Variants in SLC4A4 observed in about 807,000 individuals in gnomAD.
SLC4A4 encodes solute carrier family 4 member 4, also known as electrogenic sodium bicarbonate cotransporter 1.
SLC4A4 carries 27 observed loss-of-function variants against 111.5 expected under a neutral mutation model. The observed-to-expected ratio is 0.24, with a 90% confidence interval of 0.18 to 0.33. SLC4A4 has a LOEUF of 0.33. Among genes scored for constraint, SLC4A4 ranks in the 10% least tolerant of loss-of-function variants. The probability of loss-of-function intolerance (pLI) is 1.00; values close to 1 mark genes in which losing one functional copy is unlikely to be tolerated. For missense variants in SLC4A4, 909 were observed against 1,315.5 expected (o/e 0.69, Z 4.78); for synonymous variants, 443 against 463.4 (o/e 0.96, Z 0.57).
At chr4:71,263,416 G>C (rs1340088269) in intron 3 of SLC4A4, among the ~76,000 whole-genome samples, 1 of 152,098 alleles carries the variant, frequency 6.6e-6, no homozygotes, top group Non-Finnish European at 1.5e-5. Flanking sequence ...ATTATCATTA[G>C]AGACTCAAAG....
intron 1 of SLC4A4, among the ~76,000 whole-genome samples, chr4:71,089,890 G>C (rs141036568): frequency 0.55 from 69,215 of 125,716 alleles, 21,486 homozygotes; most frequent in East Asian, 0.73. Context: ...ATCTCCAGCT[G>C]TGTGCTGGGA....
chr4:71,486,613 C>G (rs1729426159), intron 14 of SLC4A4, among the ~76,000 whole-genome samples: 1 of 151,258 alleles, frequency 6.6e-6, no homozygotes, highest in Admixed American at 6.6e-5. Context: ...TATGAACAGC[C>G]CTTGTTCCAC....
chr4:71,318,928 A>G (rs1726910681), intron 3 of SLC4A4, among the ~76,000 whole-genome samples: 1 of 151,586 alleles, frequency 6.6e-6, no homozygotes, highest in Non-Finnish European at 1.5e-5. Flanking sequence ...TAACATCTCC[A>G]CTATGCAAGA....
At chr4:71,144,759 G>C (rs565112316) in intron 2 of SLC4A4, among the ~76,000 whole-genome samples, 1 of 152,022 alleles carries the variant, frequency 6.6e-6, no homozygotes, top group Non-Finnish European at 1.5e-5. Context: ...GTCTGTTGTC[G>C]GTGTATAAGA....
At chr4:71,130,230 AATT>A (rs941770203) in intron 2 of SLC4A4, among the ~76,000 whole-genome samples, 2 of 151,802 alleles carry the variant, frequency 1.3e-5, no homozygotes, top group Non-Finnish European at 2.9e-5. Flanking sequence ...TTGTAATGTT[AATT>A]ATTTTTTTTT....
In SLC4A4 at chr4:71,236,624, T is replaced by C. The variant is rs1327577131; in HGVS notation, c.48T>C (p.His16=). Residue 16 remains histidine, a synonymous_variant, in exon 2 of 26, where the codon CAT becomes CAC. Coordinates refer to ENST00000264485, the MANE Select transcript of SLC4A4 (RefSeq NM_001098484.3). ...ACAGAGGGGCTTCCTTCCTCAAGCA[T>C]GTGTGTGATGAAGAAGAAGTAGAAG... is the stretch of plus-strand genomic sequence containing the variant. ...VLDRGASFLK[H]VCDEEEVEGH... 1 of 1,613,726 alleles carries C rather than the reference T, an allele frequency of 6.2e-7. No individual in the cohort carries two copies. Among genetic ancestry groups the C allele is most frequent in the Non-Finnish European group, 8.5e-7 (1 of 1,179,788 alleles).
intron 24 of SLC4A4, among the ~76,000 whole-genome samples, chr4:71,565,769 C>T (rs928558844): frequency 1.3e-5 from 2 of 151,814 alleles, no homozygotes; most frequent in Middle Eastern, 6.8e-3. Context: ...TATCCACCCC[C>T]TGAGGTTCCC....
At chr4:71,319,087 T>G (rs1231513103) in intron 3 of SLC4A4, among the ~76,000 whole-genome samples, 1 of 152,014 alleles carries the variant, frequency 6.6e-6, no homozygotes, top group Non-Finnish European at 1.5e-5. Flanking sequence ...GATTACTACT[T>G]AAAGAGGAAA....
chr4:71,516,168 TCA>T (rs1732376944), intron 16 of SLC4A4, among the ~76,000 whole-genome samples: 2 of 128,106 alleles, frequency 1.6e-5, no homozygotes, highest in African/African-American at 5.7e-5. Flanking sequence ...TGATCTTGGC[TCA>T]CTGCAAGCTC....
chr4:71,102,422 G>A (rs904397322), intron 2 of SLC4A4, among the ~76,000 whole-genome samples: 111 of 151,192 alleles, frequency 7.3e-4, no homozygotes, highest in Admixed American at 1.5e-3. Flanking sequence ...TACAGAGAAC[G>A]CCACAAACAT....
At chr4:71,258,982 G>A (rs1721653729) in intron 3 of SLC4A4, among the ~76,000 whole-genome samples, 1 of 152,178 alleles carries the variant, frequency 6.6e-6, no homozygotes, top group Admixed American at 6.5e-5. Context: ...AAGGTGACAT[G>A]AGCTGGCACC....
intron 23 of SLC4A4, 47 bp from the exon 24 acceptor site, chr4:71,563,746 C>A: frequency 1.8e-6 from 2 of 1,117,916 alleles, no homozygotes; most frequent in Non-Finnish European, 2.7e-6. Flanking sequence ...ATAGGAAGGG[C>A]TGTATAATAA....
At chr4:71,244,563 A>T (rs981829091) in intron 2 of SLC4A4, among the ~76,000 whole-genome samples, 2 of 152,156 alleles carry the variant, frequency 1.3e-5, no homozygotes, top group African/African-American at 4.8e-5. Flanking sequence ...ATCCCCCAGG[A>T]TTAACCGCAT....
rs887954195 is a variant in SLC4A4, at chr4:71,569,562, T to C, written c.*1811T>C. ...TGATACATTACATATTGTGAATGTA[T>C]ACTAAAAAAACATTTTAAATGTTAA... is the stretch of plus-strand genomic sequence containing the variant. On this transcript the variant is annotated 3_prime_UTR_variant, in exon 26 of 26. Coordinates refer to ENST00000264485, the MANE Select transcript of SLC4A4 (RefSeq NM_001098484.3). 6.6e-6 allele frequency: 1 copy of C among 151,732 alleles called. No individual in the cohort carries two copies. Among genetic ancestry groups the C allele is most frequent in the Non-Finnish European group, 1.5e-5 (1 of 67,802 alleles). 9.4% of individuals were successfully genotyped at this position (151,732 alleles called of 1,614,324 possible). A position where few individuals can be genotyped will look rare whatever the true frequency, so the allele number is the denominator to read the frequency against.
In SLC4A4 at chr4:71,399,058, T is replaced by C. The variant is rs140811664; in HGVS notation, c.807+1405T>C. Among the ~76,000 whole-genome samples, 886 of 152,328 alleles carry C rather than the reference T, an allele frequency of 5.8e-3. 9 individuals are homozygous for C. The highest frequency in any genetic ancestry group is 0.053 in the South Asian group (257 of 4,816). ...TAATACATCATAGCAACTGTTTACA[T>C]AGCATTTATATTAGGTATTATAAGT... On this transcript the variant is annotated intron_variant, in intron 7 of 25. Coordinates refer to ENST00000264485, the MANE Select transcript of SLC4A4 (RefSeq NM_001098484.3).
intron 1 of SLC4A4, among the ~76,000 whole-genome samples, chr4:71,191,695 A>G (rs982525154): frequency 3.9e-5 from 6 of 152,194 alleles, no homozygotes; most frequent in Non-Finnish European, 8.8e-5. Flanking sequence ...ATGAGAGAAG[A>G]ATTTTCAGTT....
chr4:71,305,964 T>C (rs1034099130), intron 3 of SLC4A4, among the ~76,000 whole-genome samples: 1 of 152,248 alleles, frequency 6.6e-6, no homozygotes, highest in African/African-American at 2.4e-5. Context: ...TTTATCTTTA[T>C]AGTAATATTT....
chr4:71,280,492 T>A (rs574977514), intron 3 of SLC4A4, among the ~76,000 whole-genome samples: 1 of 152,190 alleles, frequency 6.6e-6, no homozygotes, highest in African/African-American at 2.4e-5. Context: ...TCATGGAGTT[T>A]TTGTTTTCAT....
chr4:71,276,197 T>C (rs575460002), intron 3 of SLC4A4, among the ~76,000 whole-genome samples: 1 of 152,348 alleles, frequency 6.6e-6, no homozygotes, highest in African/African-American at 2.4e-5. Flanking sequence ...TTGTGAGAGA[T>C]AGTACAGAAA....
Sources: allele counts gnomAD v4.1 joint callset (sites outside exome capture counted in the v4.1 genomes callset), GRCh38; gene constraint gnomAD v4.1.1; transcripts MANE v1.5; gene names NCBI Gene and HGNC (gene_info 2026-07-23, HGNC 2026-07-21).